TRPV1: variants seen among roughly 807,000 people sequenced by gnomAD.
TRPV1 encodes transient receptor potential cation channel subfamily V member 1.
TRPV1 carries 82 observed loss-of-function variants against 82.3 expected under a neutral mutation model. The observed-to-expected ratio is 1.00, with a 90% CI of 0.83 to 1.20. The LOEUF is 1.20. Among genes scored for constraint, TRPV1 ranks in the 50% most tolerant of loss-of-function variants. The pLI is 0.00. For missense variants in TRPV1, 1,067 were observed against 1,096.8 expected, an observed-to-expected ratio of 0.97 and a Z score of 0.38; for synonymous variants, 515 against 467.7, an observed-to-expected ratio of 1.10 and a Z score of -1.30.
At position 3,589,951 on chromosome 17, in the gene TRPV1, G is replaced by C. The variant is rs201881749; in HGVS notation, c.900C>G (p.Ala300=). 6.4e-7 allele frequency: 1 copy of C among 1,567,902 alleles called. No individual in the cohort carries two copies. The highest frequency in any genetic ancestry group is 1.9e-5 in the Admixed American group (1 of 52,272). Residue 300 remains alanine (A), a synonymous_variant, in exon 7 of 17, where the codon GCC becomes GCG. Coordinates refer to ENST00000572705, the MANE Select transcript of TRPV1 (RefSeq NM_080704.4). ...TGCTCGTCACAAACTTCGTGTTGTC[G>C]GCCGTGTTGTCGGCCACCTCCACCA... ...HALVEVADNT[A]DNTKFVTSMY...
In TRPV1 at chr17:3,571,543, G is replaced by A. The variant is rs1360266235; in HGVS notation, c.2328C>T (p.Phe776=). The stretch of plus-strand genomic sequence containing the variant: ...CCTCACCTCTGCTTGACCGCAGGGA[G>A]AAGCTCAGGGTGCGCTTGACGCCCT... The part of the protein sequence containing the change: ...NCEGVKRTLS[F]SLRSSRVSGR... Residue 776 remains phenylalanine (F), a synonymous_variant, in exon 16 of 17, where the codon TTC becomes TTT. Transcript: ENST00000572705. 1.2e-5 allele frequency: 19 copies of A among 1,607,960 alleles called. No homozygotes were observed. Among genetic ancestry groups the A allele is most frequent in the Non-Finnish European group, 1.6e-5 (19 of 1,177,350 alleles).
chr17:3,580,742 C>T (rs901863374), intron 10 of TRPV1, among the ~76,000 whole-genome samples: 3 of 152,206 alleles, frequency 2.0e-5, no homozygotes, highest in Non-Finnish European at 2.9e-5. Context: ...GGAAGCCGGG[C>T]ATGGTGGCTC....
chr17:3,582,204 A>AAAAAAAAAAAAAC (rs2075029768), intron 10 of TRPV1, among the ~76,000 whole-genome samples: 2 of 144,830 alleles, frequency 1.4e-5, no homozygotes, highest in Non-Finnish European at 3.0e-5. Flanking sequence ...AAAAAAAAAA[A>AAAAAAAAAAAAAC]AAAAAAAAAA....
rs774427931 is a variant in TRPV1 at position 3,585,818 on chromosome 17, A to T, written c.1333T>A (p.Tyr445Asn). Residue 445 changes from tyrosine to asparagine, a missense_variant, in exon 9 of 17, where the codon TAC (tyrosine) becomes AAC (asparagine). Physicochemically the swap from Tyr to Asn is moderately radical, Grantham distance 143. Coordinates refer to ENST00000572705, the MANE Select transcript of TRPV1 (RefSeq NM_080704.4). ...GCAGCCATGGTGAAGATGATCATGT[A>T]CAGGCAGTAGACCAGGAAGTTGAAG... ...FYFNFLVYCL[Y>N]MIIFTMAAYY... The T allele has an allele frequency of 6.2e-7, 1 of 1,613,820 alleles. No individual in the cohort carries two copies. Among genetic ancestry groups the T allele is most frequent in the South Asian group, 1.1e-5 (1 of 91,046 alleles).
intron 8 of TRPV1, among the ~76,000 whole-genome samples, chr17:3,586,196 C>T (rs967689876): frequency 1.3e-5 from 2 of 152,216 alleles, no homozygotes; most frequent in African/African-American, 2.4e-5. Context: ...TAAGTGCTCA[C>T]TTAATGGCCC....
At chr17:3,573,485 G>C (rs1424009164) in intron 14 of TRPV1, 148 bp downstream of exon 14, 3 of 866,062 alleles carry the variant, frequency 3.5e-6, no homozygotes, top group Non-Finnish European at 5.2e-6. Flanking sequence ...GTGCCCAGCT[G>C]GGTAAGGCAG....
At chr17:3,602,864 G>A (rs948346799) in intron 2 of TRPV1, among the ~76,000 whole-genome samples, 26 of 152,232 alleles carry the variant, frequency 1.7e-4, no homozygotes, top group Non-Finnish European at 1.0e-4. Flanking sequence ...GCTCACGCCC[G>A]TAATCCCAGC....
intron 2 of TRPV1, among the ~76,000 whole-genome samples, chr17:3,596,523 C>T (rs961926593): frequency 9.2e-5 from 14 of 152,208 alleles, no homozygotes; most frequent in African/African-American, 3.4e-4. Flanking sequence ...CCCAGCCCTG[C>T]GCTCGTCCAC....
chr17:3,580,591 C>T (rs2150836048), intron 10 of TRPV1, 64 bp from the exon 11 acceptor site: 2 of 1,531,734 alleles, frequency 1.3e-6, no homozygotes, highest in East Asian at 4.5e-5. Flanking sequence ...GGTGAGCACT[C>T]AGATGCTTCC....
At chr17:3,572,298 C>T (rs1252537944) in intron 14 of TRPV1, 49 bp from the exon 15 acceptor site, 1 of 1,555,212 alleles carries the variant, frequency 6.4e-7, no homozygotes, top group East Asian at 2.4e-5. Context: ...GAGGGTGCAT[C>T]CCGGGGCCAC....
intron 9 of TRPV1, among the ~76,000 whole-genome samples, chr17:3,584,938 C>T (rs1030348053): frequency 6.6e-6 from 1 of 152,142 alleles, no homozygotes; most frequent in Non-Finnish European, 1.5e-5. Context: ...AGGAAAAAGG[C>T]TGGTCTTAGG....
At chr17:3,606,934 A>T (rs1205432314) in intron 2 of TRPV1, among the ~76,000 whole-genome samples, 1 of 152,146 alleles carries the variant, frequency 6.6e-6, no homozygotes, top group Non-Finnish European at 1.5e-5. Flanking sequence ...CTGAGATTAG[A>T]CGGCCTGGCT....
chr17:3,577,038 G>T, intron 13 of TRPV1, 88 bp downstream of exon 13: 1 of 1,372,532 alleles, frequency 7.3e-7, no homozygotes, highest in Non-Finnish European at 1.0e-6. Context: ...CCTACCCAGT[G>T]CCTTCTCATT....
chr17:3,602,368 A>T (rs1214672247), intron 2 of TRPV1: 1 of 152,234 alleles, frequency 6.6e-6, no homozygotes, highest in Non-Finnish European at 1.5e-5. Flanking sequence ...TTTTGGCTTT[A>T]TCTGAACAGC....
chr17:3,567,010 C>T (rs202069717), intron 16 of TRPV1, 23 bp from the exon 17 acceptor site: 5 of 1,610,184 alleles, frequency 3.1e-6, no homozygotes, highest in Non-Finnish European at 4.2e-6. Context: ...ACTATTACTA[C>T]CTTGGATGCA....
At chr17:3,573,603 A>T (rs2074889478) in intron 14 of TRPV1, 30 bp downstream of exon 14, 2 of 1,265,118 alleles carry the variant, frequency 1.6e-6, no homozygotes, top group Non-Finnish European at 2.0e-6. Context: ...TCTCCGCGCC[A>T]CTCACCACCC....
intron 10 of TRPV1, among the ~76,000 whole-genome samples, chr17:3,581,728 T>G (rs2075014428): frequency 6.9e-6 from 1 of 144,926 alleles, no homozygotes; most frequent in African/African-American, 2.5e-5. Context: ...CTACTAAAAA[T>G]ACAAAAATTA....
chr17:3,572,271 A>T (rs877611), intron 14 of TRPV1, 22 bp from the exon 15 acceptor site: 4 of 1,592,226 alleles, frequency 2.5e-6, no homozygotes, highest in Non-Finnish European at 3.4e-6. Context: ...CACCAAGGGC[A>T]GAGGAGCTGA....
intron 13 of TRPV1, 97 bp downstream of exon 13, chr17:3,577,029 C>T: frequency 7.7e-7 from 1 of 1,293,040 alleles, no homozygotes; most frequent in East Asian, 2.6e-5. Flanking sequence ...ATGCACCTGC[C>T]TACCCAGTGC....
Sources: allele counts gnomAD v4.1 joint callset (sites outside exome capture counted in the v4.1 genomes callset), GRCh38; gene constraint gnomAD v4.1.1; transcripts MANE v1.5; gene names NCBI Gene and HGNC (gene_info 2026-07-23, HGNC 2026-07-21).